The following RNF220 variants were observed in gnomAD, a reference collection of about 807,000 sequenced individuals.
RNF220 encodes E3 ubiquitin-protein ligase RNF220.
A neutral mutation model predicts 67.1 loss-of-function variants in RNF220; 7 were observed. The observed-to-expected ratio is 0.10, with a 90% confidence interval of 0.06 to 0.20. The LOEUF is 0.20. Ranked by LOEUF, RNF220 falls within the 10% of genes least tolerant of loss-of-function variation. The pLI is 1.00. For synonymous variants in RNF220, 270 were observed against 283.2 expected (o/e 0.95, Z 0.47); for missense variants, 565 against 740.3 (o/e 0.76, Z 2.75).
intron 2 of RNF220, among the ~76,000 whole-genome samples, chr1:44,518,017 G>T (rs1408950746): frequency 1.3e-5 from 2 of 152,220 alleles, no homozygotes; most frequent in African/African-American, 4.8e-5. Flanking sequence ...TGAGGCAGGA[G>T]AATCACTTGA....
At chr1:44,510,148 A>C (rs1490632335) in intron 2 of RNF220, among the ~76,000 whole-genome samples, 2 of 150,824 alleles carry the variant, frequency 1.3e-5, no homozygotes, top group Admixed American at 6.6e-5. Flanking sequence ...CTGAGGTGAG[A>C]GGATTGCTTG....
intron 2 of RNF220, among the ~76,000 whole-genome samples, chr1:44,467,636 C>G (rs1654401881): frequency 6.6e-6 from 1 of 152,218 alleles, no homozygotes; most frequent in African/African-American, 2.4e-5. Flanking sequence ...GATCTTCTAT[C>G]CAGACCACTA....
chr1:44,407,647 A>G (rs551507368), intron 1 of RNF220, among the ~76,000 whole-genome samples: 5 of 151,998 alleles, frequency 3.3e-5, no homozygotes, highest in African/African-American at 9.7e-5. Flanking sequence ...CTGTTCTGCG[A>G]GCCGCGCGGT....
intron 2 of RNF220, among the ~76,000 whole-genome samples, chr1:44,551,119 C>T (rs1251795769): frequency 8.2e-5 from 8 of 97,490 alleles, no homozygotes; most frequent in South Asian, 3.4e-4. Flanking sequence ...CACTTCTTGC[C>T]TTTTTTTTTT....
At chr1:44,431,624 A>G (rs115779536) in intron 2 of RNF220, among the ~76,000 whole-genome samples, 2,406 of 152,098 alleles carry the variant, frequency 0.016, 66 homozygotes, top group African/African-American at 0.054. Context: ...GTTTGTGGCT[A>G]TATCTATGAA....
chr1:44,590,781 G>T (rs1311428694), intron 2 of RNF220, among the ~76,000 whole-genome samples: 4 of 152,174 alleles, frequency 2.6e-5, no homozygotes, highest in Non-Finnish European at 5.9e-5. Context: ...CCCTGTTAAA[G>T]AAATAGACAA....
chr1:44,515,396 GGTACAGTAATAGCAGATAAAGTT>G (rs1659375604), intron 2 of RNF220, among the ~76,000 whole-genome samples: 1 of 152,124 alleles, frequency 6.6e-6, no homozygotes, highest in Non-Finnish European at 1.5e-5. Context: ...TATTGTGTTA[GGTACAGTAATAGCAGATAAAGTT>G]GTAAATGATC....
Position 44,432,895 on chromosome 1 carries a change from C to CTTTTTTTTTTTTTTTTTTTTTTTTTT in RNF220, c.625+20177_625+20178insTTTTTTTTTTTTTTTTTTTTTTTTTT, listed in dbSNP as rs759672475. ...GGTATGTATGTAAGTTTCAAATTGG[C>CTTTTTTTTTTTTTTTTTTTTTTTTTT]TTTTCTTTTTTTTTTTTTGAGTCTT... On this transcript the variant is annotated intron_variant, in intron 2 of 14. Coordinates refer to ENST00000361799, the MANE Select transcript of RNF220 (RefSeq NM_018150.4). Among the ~76,000 whole-genome samples the CTTTTTTTTTTTTTTTTTTTTTTTTTT allele has an allele frequency of 1.9e-5, 2 of 104,412 alleles. 1 individual carries two copies. The allele number at this position is 104,412 out of a possible 152,430, so 68.5% of individuals were successfully genotyped here. A position where few individuals can be genotyped will look rare whatever the true frequency, so the allele number is the denominator to read the frequency against.
intron 2 of RNF220, among the ~76,000 whole-genome samples, chr1:44,551,216 G>T (rs189190756): frequency 7.1e-6 from 1 of 140,846 alleles, no homozygotes; most frequent in Admixed American, 7.9e-5. Context: ...CTGGATTCAA[G>T]CAATTCTCTT....
chr1:44,480,268 G>A (rs1490066858), intron 2 of RNF220, among the ~76,000 whole-genome samples: 1 of 152,082 alleles, frequency 6.6e-6, no homozygotes, highest in Non-Finnish European at 1.5e-5. Flanking sequence ...TCAGCCAGGT[G>A]TGATGGTGCA....
intron 2 of RNF220, among the ~76,000 whole-genome samples, chr1:44,582,321 C>T (rs1330037087): frequency 6.6e-6 from 1 of 152,196 alleles, no homozygotes; most frequent in Non-Finnish European, 1.5e-5. Context: ...ATCCATGCAC[C>T]CCTCTTATAT....
At chr1:44,587,553 C>T (rs939033450) in intron 2 of RNF220, among the ~76,000 whole-genome samples, 9 of 152,202 alleles carry the variant, frequency 5.9e-5, no homozygotes, top group South Asian at 4.1e-4. Flanking sequence ...GTGCTGGCCT[C>T]GGCTCCTTTG....
intron 3 of RNF220, among the ~76,000 whole-genome samples, chr1:44,616,920 A>AGCC (rs1298721801): frequency 1.3e-5 from 2 of 152,036 alleles, no homozygotes. Flanking sequence ...TTCTGCCAAC[A>AGCC]GCCTTCCTTT....
intron 3 of RNF220, among the ~76,000 whole-genome samples, chr1:44,620,645 C>T (rs1643752336): frequency 6.6e-6 from 1 of 152,332 alleles, no homozygotes; most frequent in Non-Finnish European, 1.5e-5. Flanking sequence ...GCTAGCCTTC[C>T]TAGTCTGTGA....
chr1:44,647,978 C>T (rs1188234296), intron 12 of RNF220, among the ~76,000 whole-genome samples: 3 of 152,244 alleles, frequency 2.0e-5, no homozygotes, highest in Non-Finnish European at 4.4e-5. Context: ...AACTTCAGCT[C>T]CTTCAGGTGT....
intron 2 of RNF220, among the ~76,000 whole-genome samples, chr1:44,538,497 A>G (rs1056791812): frequency 1.3e-5 from 2 of 152,228 alleles, no homozygotes; most frequent in African/African-American, 4.8e-5. Context: ...CGCTACTGCA[A>G]GTAAACTGCT....
chr1:44,627,661 A>G (rs1436268615), intron 5 of RNF220, among the ~76,000 whole-genome samples: 1 of 152,206 alleles, frequency 6.6e-6, no homozygotes, highest in African/African-American at 2.4e-5. Context: ...ACAGTGCCCT[A>G]TTCCAAGGAA....
intron 8 of RNF220, 56 bp downstream of exon 8, chr1:44,636,218 A>G: frequency 6.4e-7 from 1 of 1,566,692 alleles, no homozygotes; most frequent in African/African-American, 1.3e-5. Context: ...TCTGCTGGGT[A>G]TCCATCTGCT....
chr1:44,544,903 G>T (rs1242787711), intron 2 of RNF220, among the ~76,000 whole-genome samples: 3 of 152,162 alleles, frequency 2.0e-5, no homozygotes, highest in Non-Finnish European at 4.4e-5. Flanking sequence ...TCTCCCACTG[G>T]GTACAGAGAA....
Sources: gnomAD v4.1 joint callset for allele counts (sites outside exome capture counted in the v4.1 genomes callset) on GRCh38, gnomAD v4.1.1 for gene constraint, MANE v1.5 for transcripts, NCBI Gene and HGNC (gene_info 2026-07-23, HGNC 2026-07-21) for gene names.